STOX2: variants seen among roughly 807,000 people sequenced by gnomAD.
The protein encoded by STOX2 is storkhead-box protein 2.
A neutral mutation model predicts 60.9 loss-of-function variants in STOX2; 28 were observed. The ratio of observed to expected loss-of-function variants is 0.46; its 90% CI spans 0.34 to 0.63. The LOEUF (loss-of-function observed/expected upper bound fraction) is 0.63. STOX2 is among the 30% of genes least tolerant of loss of function. The pLI, the probability that STOX2 is intolerant of heterozygous loss-of-function variation, is 0.01. For synonymous variants in STOX2, 472 were observed against 463.9 expected, an observed-to-expected ratio of 1.02 and a Z score of -0.22; for missense variants, 1,024 against 1,187.7, an observed-to-expected ratio of 0.86 and a Z score of 2.03.
chr4:183,983,107 G>A (rs1351787824), intron 1 of STOX2, among the ~76,000 whole-genome samples: 1 of 152,078 alleles, frequency 6.6e-6, no homozygotes, highest in Non-Finnish European at 1.5e-5. Context: ...ATCTTAGACT[G>A]TCTAACCACA....
intron 1 of STOX2, among the ~76,000 whole-genome samples, chr4:183,813,417 A>C (rs1018881869): frequency 6.6e-6 from 1 of 152,186 alleles, no homozygotes; most frequent in African/African-American, 2.4e-5. Context: ...AATGTAGTCT[A>C]ACAACTATTT....
chr4:184,007,032 AC>A (rs67082177), intron 2 of STOX2, among the ~76,000 whole-genome samples: 35,698 of 118,368 alleles, frequency 0.3, 7,886 homozygotes, highest in East Asian at 0.4. Context: ...AAAAAAAAAA[AC>A]AAAACAAAAA....
chr4:183,841,034 AT>A (rs1297055772), intron 1 of STOX2, among the ~76,000 whole-genome samples: 1 of 151,888 alleles, frequency 6.6e-6, no homozygotes, highest in African/African-American at 2.4e-5. Context: ...CATCCGGCTA[AT>A]TTTTGTATTT....
chr4:183,893,186 C>G (rs4861580), intron 1 of STOX2, among the ~76,000 whole-genome samples: 148,160 of 151,988 alleles, frequency 0.97, 72,321 homozygotes, highest in East Asian at 1. Flanking sequence ...TCTAATTCTG[C>G]TCAGGCCTTA....
At chr4:183,943,912 G>T (rs1341804222) in intron 1 of STOX2, among the ~76,000 whole-genome samples, 1 of 152,062 alleles carries the variant, frequency 6.6e-6, no homozygotes, top group Non-Finnish European at 1.5e-5. Context: ...AAACAAAAAA[G>T]AAATCTCCCC....
intron 1 of STOX2, among the ~76,000 whole-genome samples, chr4:183,955,359 A>T (rs969686453): frequency 6.6e-6 from 1 of 152,224 alleles, no homozygotes; most frequent in Non-Finnish European, 1.5e-5. Flanking sequence ...TTGCCTTTTT[A>T]AAAAATTGCA....
intron 1 of STOX2, among the ~76,000 whole-genome samples, chr4:183,995,776 C>A (rs564375494): frequency 6.6e-6 from 1 of 152,304 alleles, no homozygotes; most frequent in East Asian, 1.9e-4. Flanking sequence ...CAGGATCTGG[C>A]CCCTTTTTTC....
chr4:183,995,718 G>A (rs1422903121), intron 1 of STOX2, among the ~76,000 whole-genome samples: 2 of 152,186 alleles, frequency 1.3e-5, no homozygotes, highest in Non-Finnish European at 2.9e-5. Flanking sequence ...GAAAACAGGG[G>A]CAGTGCCTCG....
intron 1 of STOX2, among the ~76,000 whole-genome samples, chr4:183,824,091 G>A (rs997642948): frequency 1.3e-5 from 2 of 152,174 alleles, no homozygotes; most frequent in Admixed American, 6.5e-5. Flanking sequence ...GGCATCAGAT[G>A]TTAGAACAAT....
Position 184,009,376 on chromosome 4 carries a change from C to G in STOX2, c.538C>G (p.Pro180Ala). The change falls in exon 3 of 4, where the codon CCC becomes GCC. Residue 180 changes from proline to alanine, a missense_variant. By Grantham distance (27) the Pro-to-Ala change is conservative. Transcript: ENST00000308497. The surrounding 1 kb of genome is among the most constrained non-coding windows in gnomAD (Gnocchi z 4.0). ...CTSPQPGTIT[P>A]SASGCVRERT... ...CTCTCCGCAACCCGGGACCATCACG[C>G]CCTCTGCCTCAGGCTGTGTCAGGGA... is the stretch of plus-strand genomic sequence containing the variant. 2 of 1,614,026 alleles carry G rather than the reference C, an allele frequency of 1.2e-6. No homozygotes were observed. Among genetic ancestry groups the G allele is most frequent in the Non-Finnish European group, 1.7e-6 (2 of 1,179,896 alleles).
chr4:183,834,708 C>T (rs571427079), intron 1 of STOX2, among the ~76,000 whole-genome samples: 1 of 152,352 alleles, frequency 6.6e-6, no homozygotes, highest in African/African-American at 2.4e-5. Flanking sequence ...CACAAAGTCT[C>T]TTGAACATTA....
chr4:183,942,063 A>G (rs1464561075), intron 1 of STOX2, among the ~76,000 whole-genome samples: 1 of 152,198 alleles, frequency 6.6e-6, no homozygotes, highest in Non-Finnish European at 1.5e-5. Context: ...GTAAGTAATT[A>G]GCCTTCATGC....
intron 1 of STOX2, among the ~76,000 whole-genome samples, chr4:183,916,820 T>C (rs1299417499): frequency 6.6e-6 from 1 of 152,218 alleles, no homozygotes; most frequent in African/African-American, 2.4e-5. Flanking sequence ...CGGTGACCTT[T>C]CCAGAACGCT....
At chr4:183,989,255 T>C (rs1032963898) in intron 1 of STOX2, among the ~76,000 whole-genome samples, 3 of 145,444 alleles carry the variant, frequency 2.1e-5, no homozygotes, top group African/African-American at 7.6e-5. Flanking sequence ...CAGGCTGGAG[T>C]GCAATGGTGT....
At position 183,865,839 on chromosome 4, in the gene STOX2, G is replaced by A. The variant is rs1740551217; in HGVS notation, c.364+67784G>A. 1.3e-5 allele frequency among the ~76,000 whole-genome samples: 2 copies of A among 152,230 alleles called. No individual in the cohort carries two copies. The highest frequency in any genetic ancestry group is 6.5e-5 in the Admixed American group (1 of 15,294). ...AGACAAAGACAGAATTTGATTTGGG[G>A]GTCATTTTTTGGAAGGCTTTTTTCT... is the stretch of plus-strand genomic sequence containing the variant. On this transcript the variant is annotated intron_variant, in intron 1 of 2. Transcript: ENST00000513034. This position sits in a 1 kb window ranked among gnomAD's most constrained non-coding sequence, Gnocchi z 4.1.
At chr4:183,804,045 A>C (rs1357962842) in intron 1 of STOX2, among the ~76,000 whole-genome samples, 1 of 152,218 alleles carries the variant, frequency 6.6e-6, no homozygotes, top group East Asian at 1.9e-4. Context: ...ACTTGATAGA[A>C]TAGAGAGCGC....
At chr4:183,950,575 A>G (rs1743038189) in intron 1 of STOX2, among the ~76,000 whole-genome samples, 1 of 152,180 alleles carries the variant, frequency 6.6e-6, no homozygotes, top group Admixed American at 6.5e-5. Flanking sequence ...GGAAGGCTTA[A>G]TGGGGGAAGT....
At chr4:184,003,301 T>C (rs1443577792) in intron 2 of STOX2, among the ~76,000 whole-genome samples, 2 of 152,196 alleles carry the variant, frequency 1.3e-5, no homozygotes, top group Non-Finnish European at 2.9e-5. Context: ...AAATAAATAA[T>C]GGAAAGAACA....
At chr4:183,886,358 A>G in intron 1 of STOX2, among the ~76,000 whole-genome samples, 1 of 151,566 alleles carries the variant, frequency 6.6e-6, no homozygotes, top group Non-Finnish European at 1.5e-5. Flanking sequence ...AGGGGGGGGA[A>G]TGAGGAAAGG....
Sources: allele counts gnomAD v4.1 joint callset (sites outside exome capture counted in the v4.1 genomes callset), GRCh38; gene constraint gnomAD v4.1.1; non-coding constraint Gnocchi (gnomAD v3.1); transcripts MANE v1.5; gene names NCBI Gene and HGNC (gene_info 2026-07-23, HGNC 2026-07-21).